Variants in GNB1L observed in about 807,000 individuals in gnomAD.
GNB1L encodes the protein G protein subunit beta 1 like, also known as guanine nucleotide-binding protein subunit beta-like protein 1.
GNB1L carries 20 observed loss-of-function variants against 29.1 expected under a neutral mutation model. The ratio of observed to expected loss-of-function variants is 0.69; its 90% confidence interval spans 0.48 to 1.00. The LOEUF (loss-of-function observed/expected upper bound fraction) is 1.00, where lower values mean the gene tolerates loss of function less well. GNB1L is among the 50% of genes least tolerant of loss of function. The probability of loss-of-function intolerance (pLI) is 0.00; values close to 1 mark genes in which losing one functional copy is unlikely to be tolerated. For synonymous variants in GNB1L, 193 were observed against 206.5 expected, an observed-to-expected ratio of 0.93 and a Z score of 0.56; for missense variants, 421 against 464.9, an observed-to-expected ratio of 0.91 and a Z score of 0.87.
chr22:19,833,015 CT>C (rs1937705890), intron 2 of GNB1L, among the ~76,000 whole-genome samples: 1 of 152,216 alleles, frequency 6.6e-6, no homozygotes, highest in Admixed American at 6.5e-5. Flanking sequence ...CGAGATGGAG[CT>C]TGTGCAAATC....
intron 2 of GNB1L, among the ~76,000 whole-genome samples, chr22:19,832,929 G>A (rs566697527): frequency 6.6e-6 from 1 of 152,312 alleles, no homozygotes; most frequent in East Asian, 1.9e-4. Context: ...GGTGGCTGAT[G>A]TGCGAGACAG....
intron 2 of GNB1L, chr22:19,847,409 G>C: frequency 1.0e-6 from 1 of 985,226 alleles, no homozygotes; most frequent in Non-Finnish European, 1.2e-6. Flanking sequence ...AAAAAACAGT[G>C]ACACCCATGA....
rs1267399994 is a variant in GNB1L at position 19,785,335 on chromosome 22, G to A, written c.*3374C>T. 3.3e-5 allele frequency: 5 copies of A among 152,304 alleles called. No homozygotes were observed. The highest frequency in any genetic ancestry group is 5.9e-5 in the Non-Finnish European group (4 of 68,238). 9.4% of individuals were successfully genotyped at this position (152,304 alleles called of 1,614,324 possible). A position where few individuals can be genotyped will look rare whatever the true frequency, so the allele number is the denominator to read the frequency against. ...GAGGCAGGAGAATCGCTTGAACCTGGGAATCAGAGGTTGCAGTGAGCCGAG... is the reference window on the plus strand; with the variant it reads ...GAGGCAGGAGAATCGCTTGAACCTGAGAATCAGAGGTTGCAGTGAGCCGAG... On this transcript the variant is annotated 3_prime_UTR_variant, in exon 8 of 8. Coordinates refer to ENST00000329517, the MANE Select transcript of GNB1L (RefSeq NM_053004.3). The surrounding 1 kb of genome is among the most constrained non-coding windows in gnomAD (Gnocchi z 4.1).
At chr22:19,824,760 G>A (rs755587306) in intron 2 of GNB1L, among the ~76,000 whole-genome samples, 7 of 152,332 alleles carry the variant, frequency 4.6e-5, no homozygotes, top group African/African-American at 1.7e-4. Flanking sequence ...GCAGGGGCAG[G>A]CCTGCAAATG....
intron 2 of GNB1L, among the ~76,000 whole-genome samples, chr22:19,853,707 T>G (rs2145909246): frequency 6.6e-6 from 1 of 151,668 alleles, no homozygotes; most frequent in East Asian, 1.9e-4. Context: ...CCCTCAGGTC[T>G]GACCCCCCTC....
Position 19,783,447 on chromosome 22 carries a change from G to A in GNB1L, c.*5262C>T. 3.5e-6 allele frequency: 1 copy of A among 289,296 alleles called. No individual in the cohort carries two copies. The highest frequency in any genetic ancestry group is 6.8e-6 in the Non-Finnish European group (1 of 147,574). The allele number at this position is 289,296 out of a possible 1,614,324, so 17.9% of individuals were successfully genotyped here. On this transcript the variant is annotated 3_prime_UTR_variant, in exon 8 of 8. Coordinates refer to ENST00000329517, the MANE Select transcript of GNB1L (RefSeq NM_053004.3). The stretch of plus-strand genomic sequence containing the variant: ...CTTAAAGGCCATGAGTTACTCGGGA[G>A]GCTGAGGCAGGAGGATCACTTGAGC...
intron 2 of GNB1L, among the ~76,000 whole-genome samples, chr22:19,823,270 A>G (rs2145883839): frequency 6.6e-6 from 1 of 152,284 alleles, no homozygotes; most frequent in South Asian, 2.1e-4. Flanking sequence ...ATCATGCCCA[A>G]ACTTAAGGGT....
intron 4 of GNB1L, among the ~76,000 whole-genome samples, chr22:19,815,387 C>T (rs1285516495): frequency 6.6e-6 from 1 of 152,164 alleles, no homozygotes; most frequent in Non-Finnish European, 1.5e-5. Context: ...AGCACAAAGA[C>T]GTGCACAGCC....
intron 4 of GNB1L, among the ~76,000 whole-genome samples, chr22:19,813,332 G>A (rs934895724): frequency 2.0e-5 from 3 of 152,154 alleles, no homozygotes; most frequent in African/African-American, 4.8e-5. Flanking sequence ...GGGTGGAGTG[G>A]AGGAAAACCA....
At position 19,783,343 on chromosome 22, in the gene GNB1L, G is replaced by A. The variant is rs1937160398; in HGVS notation, c.*5366C>T. On this transcript the variant is annotated 3_prime_UTR_variant, in exon 8 of 8. Coordinates refer to ENST00000329517, the MANE Select transcript of GNB1L (RefSeq NM_053004.3). ...CAGAGCCCAAGTCAGGAGGTCAAGT[G>A]TGCATGCAAGAGGTGGCAGGGGACA... 2.7e-6 allele frequency: 1 copy of A among 375,374 alleles called. No homozygotes were observed. The allele number at this position is 375,374 out of a possible 1,614,324, so 23.3% of individuals were successfully genotyped here.
chr22:19,801,960 G>A, intron 7 of GNB1L, 41 bp downstream of exon 7: 1 of 1,447,190 alleles, frequency 6.9e-7, no homozygotes, highest in African/African-American at 1.4e-5. Flanking sequence ...GACTGTTAGT[G>A]CAGAGCAGGA....
chr22:19,854,193 A>G (rs1938180083), intron 2 of GNB1L, among the ~76,000 whole-genome samples: 1 of 152,152 alleles, frequency 6.6e-6, no homozygotes, highest in African/African-American at 2.4e-5. Flanking sequence ...CGGCCCTTCT[A>G]GACTGGACAG....
intron 2 of GNB1L, among the ~76,000 whole-genome samples, chr22:19,832,113 T>C (rs1937689375): frequency 6.6e-6 from 1 of 152,096 alleles, no homozygotes; most frequent in Non-Finnish European, 1.5e-5. Flanking sequence ...GAGGATCACT[T>C]GAGGCCAGGA....
At chr22:19,832,672 CA>C (rs1192118415) in intron 2 of GNB1L, among the ~76,000 whole-genome samples, 3 of 152,146 alleles carry the variant, frequency 2.0e-5, no homozygotes, top group Non-Finnish European at 4.4e-5. Context: ...ACACAGAGCC[CA>C]GGGGAAAGTG....
chr22:19,825,871 T>G (rs1399128525), intron 2 of GNB1L, among the ~76,000 whole-genome samples: 1 of 151,856 alleles, frequency 6.6e-6, no homozygotes, highest in Non-Finnish European at 1.5e-5. Flanking sequence ...GGTGGGAGAA[T>G]CATTTGAGCC....
intron 7 of GNB1L, among the ~76,000 whole-genome samples, chr22:19,791,614 G>T (rs5746834): frequency 0.22 from 33,396 of 152,156 alleles, 3,910 homozygotes; most frequent in South Asian, 0.32. Context: ...GCTGAAGATT[G>T]TCTGAGGGGG....
chr22:19,792,194 C>A, intron 7 of GNB1L: 1 of 588,980 alleles, frequency 1.7e-6, no homozygotes, highest in African/African-American at 1.9e-5. Context: ...TAGAAACTGA[C>A]CCCAAAATGG....
At chr22:19,830,620 A>C (rs1309300558) in intron 2 of GNB1L, among the ~76,000 whole-genome samples, 2 of 152,174 alleles carry the variant, frequency 1.3e-5, no homozygotes, top group African/African-American at 2.4e-5. Flanking sequence ...CTTCTCCCCA[A>C]ATTAATTTAT....
chr22:19,831,476 G>A (rs1937679214), intron 2 of GNB1L, among the ~76,000 whole-genome samples: 1 of 151,802 alleles, frequency 6.6e-6, no homozygotes, highest in African/African-American at 2.4e-5. Flanking sequence ...AGGATCACAA[G>A]GTCAGGAGAT....
Sources: gnomAD v4.1 joint callset for allele counts (sites outside exome capture counted in the v4.1 genomes callset) on GRCh38, gnomAD v4.1.1 for gene constraint, Gnocchi (gnomAD v3.1) non-coding constraint, MANE v1.5 for transcripts, NCBI Gene and HGNC (gene_info 2026-07-23, HGNC 2026-07-21) for gene names.